Variants in SOX5 observed in about 807,000 individuals in gnomAD.
SOX5 encodes the protein transcription factor SOX-5.
Under a neutral mutation model 92.0 loss-of-function variants are expected in SOX5, and 9 were observed. The observed-to-expected ratio is 0.10, with a 90% CI of 0.06 to 0.17. The LOEUF is 0.17. Among genes scored for constraint, SOX5 ranks in the 10% least tolerant of loss-of-function variants. The pLI is 1.00. For synonymous variants in SOX5, 344 were observed against 336.3 expected, an observed-to-expected ratio of 1.02 and a Z score of -0.25; for missense variants, 642 against 944.5, an observed-to-expected ratio of 0.68 and a Z score of 4.20.
chr12:23,786,639 A>C (rs1439825086), intron 3 of SOX5, among the ~76,000 whole-genome samples: 1 of 110,456 alleles, frequency 9.1e-6, no homozygotes, highest in Non-Finnish European at 2.1e-5. Context: ...TTTTTCTAGA[A>C]GAAATTGTAA....
Position 24,226,846 on chromosome 12 carries a change from C to T in SOX5, c.-76-13429G>A, listed in dbSNP as rs575709270. Among the ~76,000 whole-genome samples the T allele has an allele frequency of 8.5e-5, 10 of 117,456 alleles. No individual in the cohort carries two copies. In the East Asian group the frequency reaches 1.9e-3, roughly 22 times the overall value. The allele number at this position is 117,456 out of a possible 152,430, so 77.1% of individuals were successfully genotyped here. ...AGAACTTATATTAGGGGTTTCAAAA[C>T]AGTGATTGAATGAATGAATGAATGA... is the stretch of plus-strand genomic sequence containing the variant. On this transcript the variant is annotated intron_variant, in intron 3 of 4. Coordinates refer to the SOX5 transcript ENST00000446891.
intron 1 of SOX5, among the ~76,000 whole-genome samples, chr12:24,466,611 A>G (rs564865270): frequency 5.3e-5 from 8 of 152,320 alleles, no homozygotes; most frequent in Admixed American, 5.2e-4. Context: ...GCTGTGGCCC[A>G]ATATGGCCAG....
chr12:24,417,315 G>A (rs1264535852), intron 1 of SOX5, among the ~76,000 whole-genome samples: 3 of 152,182 alleles, frequency 2.0e-5, no homozygotes, highest in Non-Finnish European at 4.4e-5. Flanking sequence ...CTAGCACATG[G>A]AGTTTTTGTA....
chr12:23,937,686 C>A (rs564042977), intron 1 of SOX5, among the ~76,000 whole-genome samples: 4 of 150,820 alleles, frequency 2.7e-5, no homozygotes, highest in African/African-American at 4.8e-5. Flanking sequence ...TGAGGCAGAG[C>A]ACTAAGACCT....
At chr12:23,655,765 A>T (rs1193558544) in intron 7 of SOX5, among the ~76,000 whole-genome samples, 1 of 152,090 alleles carries the variant, frequency 6.6e-6, no homozygotes, top group Non-Finnish European at 1.5e-5. Flanking sequence ...AGAGATTCCT[A>T]CTAAAATAAT....
At chr12:24,234,658 G>C (rs960534747) in intron 3 of SOX5, among the ~76,000 whole-genome samples, 6 of 152,160 alleles carry the variant, frequency 3.9e-5, no homozygotes, top group Non-Finnish European at 8.8e-5. Context: ...AATTACCAAA[G>C]TGCTGGTGAG....
intron 3 of SOX5, among the ~76,000 whole-genome samples, chr12:24,261,065 A>G (rs1406519705): frequency 6.6e-6 from 1 of 152,224 alleles, no homozygotes; most frequent in Admixed American, 6.5e-5. Context: ...AACATGTAAA[A>G]TATTTATAAA....
chr12:23,658,670 T>C (rs2082630214), intron 7 of SOX5, among the ~76,000 whole-genome samples: 1 of 152,124 alleles, frequency 6.6e-6, no homozygotes, highest in African/African-American at 2.4e-5. Context: ...GATGGGTGGA[T>C]CACTTGAGGT....
At chr12:24,007,156 T>TAA (rs1555471174) in intron 4 of SOX5, among the ~76,000 whole-genome samples, 19,041 of 46,570 alleles carry the variant, frequency 0.41, 5,425 homozygotes, top group East Asian at 0.66. Flanking sequence ...TATATATATA[T>TAA]ATATACATTT....
chr12:23,561,426 ATG>A (rs1161067336), intron 11 of SOX5, among the ~76,000 whole-genome samples: 1 of 152,218 alleles, frequency 6.6e-6, no homozygotes, highest in African/African-American at 2.4e-5. Context: ...GCATAAAGTC[ATG>A]TGTTAGAACA....
chr12:23,972,162 G>A (rs2140153659), intron 4 of SOX5, among the ~76,000 whole-genome samples: 1 of 152,210 alleles, frequency 6.6e-6, no homozygotes, highest in South Asian at 2.1e-4. Context: ...ACACCCATAG[G>A]ACTGTAACAT....
At chr12:24,212,858 T>C (rs1459437482) in intron 4 of SOX5, among the ~76,000 whole-genome samples, 2 of 152,180 alleles carry the variant, frequency 1.3e-5, no homozygotes, top group Non-Finnish European at 2.9e-5. Flanking sequence ...GGCAAACAGA[T>C]TGACTCTGAA....
At chr12:23,600,551 A>ATATATATATATATATG (rs1168692719) in intron 9 of SOX5, among the ~76,000 whole-genome samples, 1 of 130,500 alleles carries the variant, frequency 7.7e-6, no homozygotes, top group East Asian at 2.1e-4. Context: ...ATATATATAT[A>ATATATATATATATATG]TACACATACT....
intron 1 of SOX5, among the ~76,000 whole-genome samples, chr12:24,517,611 T>TA (rs1949908251): frequency 6.6e-6 from 1 of 152,144 alleles, no homozygotes; most frequent in African/African-American, 2.4e-5. Flanking sequence ...ATGATTACCC[T>TA]ACATCACTAA....
At chr12:23,845,952 C>G in intron 3 of SOX5, 31 bp downstream of exon 3, 1 of 1,514,308 alleles carries the variant, frequency 6.6e-7, no homozygotes, top group South Asian at 1.1e-5. Flanking sequence ...CAGGACACAG[C>G]ATCAACTTTG....
chr12:24,530,606 T>C lies in SOX5; in HGVS notation c.-251+31723A>G, dbSNP rs1343241362. ...AGGTGGAGGTTGCAATGAGCCAAGA[T>C]TGCACCACTGCACTTCAGCCTGGGC... On this transcript the variant is annotated intron_variant, in intron 1 of 4. Transcript: ENST00000446891. 4.6e-5 allele frequency among the ~76,000 whole-genome samples: 7 copies of C among 151,838 alleles called. No individual in the cohort carries two copies. The East Asian group carries it at 1.2e-3, about 25-fold the overall frequency.
chr12:23,605,690 A>G (rs2075161135), intron 8 of SOX5, among the ~76,000 whole-genome samples: 1 of 151,832 alleles, frequency 6.6e-6, no homozygotes, highest in South Asian at 2.1e-4. Context: ...ATTGCTCATG[A>G]TAAGCCACAG....
chr12:24,302,581 C>A (rs759561649), intron 2 of SOX5, among the ~76,000 whole-genome samples: 1 of 151,340 alleles, frequency 6.6e-6, no homozygotes, highest in African/African-American at 2.4e-5. Flanking sequence ...CTAAGCATTA[C>A]AAGTTCCCAG....
At chr12:24,320,218 G>T (rs555708637) in intron 2 of SOX5, among the ~76,000 whole-genome samples, 51 of 152,272 alleles carry the variant, frequency 3.3e-4, no homozygotes, top group South Asian at 8.3e-4. Flanking sequence ...GGTTGTTTTG[G>T]TTTTCACACA....
Sources: allele counts gnomAD v4.1 joint callset (sites outside exome capture counted in the v4.1 genomes callset), GRCh38; gene constraint gnomAD v4.1.1; transcripts MANE v1.5; gene names NCBI Gene and HGNC (gene_info 2026-07-23, HGNC 2026-07-21).